The following SV2C variants were observed in gnomAD, a reference collection of about 807,000 sequenced individuals.
The protein encoded by SV2C is solute carrier family 22 member B3.
In SV2C, 49 loss-of-function variants were observed where a neutral mutation model predicts 79.7. The observed-to-expected ratio is 0.61, with a 90% CI of 0.49 to 0.78. The LOEUF is 0.78. SV2C is among the 30% of genes least tolerant of loss of function. The probability of loss-of-function intolerance (pLI) is 0.00; values close to 1 mark genes in which losing one functional copy is unlikely to be tolerated. For synonymous variants in SV2C, 334 were observed against 333.2 expected (o/e 1.00, Z -0.03); for missense variants, 833 against 912.9 (o/e 0.91, Z 1.13).
the SV2C span, among the ~76,000 whole-genome samples, chr5:75,853,607 CAA>C: frequency 0.014 from 388 of 28,450 alleles, no homozygotes; most frequent in South Asian, 0.065. Context: ...GACTCCGTCT[CAA>C]AAAAAAAAAA....
chr5:76,062,654 T>G, the SV2C span, among the ~76,000 whole-genome samples: 1 of 151,948 alleles, frequency 6.6e-6, no homozygotes. Flanking sequence ...AATTTTCCTA[T>G]GTTTAATTTC....
At chr5:76,353,821 T>A (rs1232793562) in exon 13 of SV2C, 1 of 152,240 alleles carries the variant, frequency 6.6e-6, no homozygotes, top group African/African-American at 2.4e-5. Context: ...CCTGAGGCTT[T>A]TAACTTGCAT....
intron 4 of SV2C, among the ~76,000 whole-genome samples, chr5:76,215,533 A>G (rs1469450614): frequency 6.6e-6 from 1 of 152,174 alleles, no homozygotes; most frequent in African/African-American, 2.4e-5. Flanking sequence ...AAGTCTATCC[A>G]CTTTCCCTGA....
intron 2 of SV2C, among the ~76,000 whole-genome samples, chr5:76,159,706 G>T (rs1422517563): frequency 1.3e-5 from 2 of 151,812 alleles, no homozygotes; most frequent in Non-Finnish European, 2.9e-5. Flanking sequence ...TTCTCTTCTT[G>T]TAATTGCACC....
At chr5:75,987,733 G>A in the SV2C span, among the ~76,000 whole-genome samples, 1 of 151,960 alleles carries the variant, frequency 6.6e-6, no homozygotes, top group Non-Finnish European at 1.5e-5. Context: ...TAAAACAAGT[G>A]TATTCTTGAA....
At chr5:76,081,026 C>T (rs1746977971), upstream of SV2C, among the ~76,000 whole-genome samples, 1 of 152,136 alleles carries the variant, frequency 6.6e-6, no homozygotes, top group African/African-American at 2.4e-5. Context: ...GTTAAAATAG[C>T]CTTTTCCAGT....
the SV2C span, among the ~76,000 whole-genome samples, chr5:75,966,313 C>G: frequency 6.6e-6 from 1 of 152,144 alleles, no homozygotes; most frequent in African/African-American, 2.4e-5. Flanking sequence ...TAAACCAAAG[C>G]TTTGTGCAGG....
At chr5:76,089,198 G>A (rs1428860805) in intron 1 of SV2C, among the ~76,000 whole-genome samples, 1 of 151,946 alleles carries the variant, frequency 6.6e-6, no homozygotes, top group East Asian at 1.9e-4. Context: ...TCCCCAACAG[G>A]CCCCAGTGTG....
At chr5:76,335,217 C>G (rs559752534), downstream of SV2C, among the ~76,000 whole-genome samples, 1 of 152,236 alleles carries the variant, frequency 6.6e-6, no homozygotes, top group South Asian at 2.1e-4. Flanking sequence ...GCTGTTCCTT[C>G]TCTTGGAACC....
At chr5:75,889,181 C>T in the SV2C span, among the ~76,000 whole-genome samples, 1 of 151,544 alleles carries the variant, frequency 6.6e-6, no homozygotes, top group African/African-American at 2.4e-5. Flanking sequence ...TGGTTTGCTG[C>T]ATCTATCAAC....
the SV2C span, among the ~76,000 whole-genome samples, chr5:75,986,091 G>C: frequency 6.8e-6 from 1 of 146,364 alleles, no homozygotes; most frequent in Non-Finnish European, 1.5e-5. Context: ...GTCGGTTGTG[G>C]TAGGCCATTA....
the SV2C span, among the ~76,000 whole-genome samples, chr5:76,024,264 G>A: frequency 6.6e-6 from 1 of 152,066 alleles, no homozygotes; most frequent in Non-Finnish European, 1.5e-5. Flanking sequence ...TACCCACCAC[G>A]ATGTCAGAAA....
the SV2C span, among the ~76,000 whole-genome samples, chr5:75,963,107 G>T: frequency 6.6e-6 from 1 of 152,062 alleles, no homozygotes; most frequent in East Asian, 1.9e-4. Context: ...GGTGAGGCAC[G>T]GAATGGGAAG....
At chr5:76,286,698 T>A (rs890046222) in intron 6 of SV2C, 3 of 152,244 alleles carry the variant, frequency 2.0e-5, no homozygotes, top group African/African-American at 7.2e-5. Context: ...AAAGGTTTAA[T>A]TGACTCACAG....
intron 2 of SV2C, among the ~76,000 whole-genome samples, chr5:76,187,850 G>T (rs781778819): frequency 1.5e-4 from 23 of 151,910 alleles, no homozygotes; most frequent in Non-Finnish European, 2.6e-4. Context: ...AAGGTGAAAA[G>T]TTGTCATTCC....
the SV2C span, among the ~76,000 whole-genome samples, chr5:75,907,632 G>A: frequency 1.3e-5 from 2 of 152,282 alleles, no homozygotes; most frequent in African/African-American, 2.4e-5. Context: ...ATAACTGTGG[G>A]TTTGTGCAGA....
the SV2C span, among the ~76,000 whole-genome samples, chr5:75,849,066 C>A: frequency 6.6e-6 from 1 of 152,310 alleles, no homozygotes; most frequent in African/African-American, 2.4e-5. Context: ...CCTTCTATCT[C>A]CCCGTATGCA....
At chr5:76,288,551 T>C (rs1036970368) in intron 6 of SV2C, among the ~76,000 whole-genome samples, 1 of 152,198 alleles carries the variant, frequency 6.6e-6, no homozygotes. Flanking sequence ...CACTTAACTC[T>C]TCTCAGCCAG....
chr5:75,943,673 C>T, the SV2C span, among the ~76,000 whole-genome samples: 2 of 152,146 alleles, frequency 1.3e-5, no homozygotes, highest in Non-Finnish European at 2.9e-5. Context: ...AAACACTTCA[C>T]CTCTCTTGAC....
Sources: gnomAD v4.1 joint callset for allele counts (sites outside exome capture counted in the v4.1 genomes callset) on GRCh38, gnomAD v4.1.1 for gene constraint, MANE v1.5 for transcripts, NCBI Gene and HGNC (gene_info 2026-07-23, HGNC 2026-07-21) for gene names.